Variants in FHOD3 observed in about 807,000 individuals in gnomAD.
The protein encoded by FHOD3 is formin homology 2 domain containing 3.
FHOD3 carries 90 observed loss-of-function variants against 173.0 expected under a neutral mutation model. The observed-to-expected ratio is 0.52, with a 90% CI of 0.44 to 0.62. The LOEUF (loss-of-function observed/expected upper bound fraction) is 0.62, where lower values mean the gene tolerates loss of function less well. FHOD3 is among the 20% of genes least tolerant of loss of function. The probability of loss-of-function intolerance (pLI) is 0.00; values close to 1 mark genes in which losing one functional copy is unlikely to be tolerated. For missense variants in FHOD3, 1,945 were observed against 2,034.7 expected (o/e 0.96, Z 0.85); for synonymous variants, 828 against 823.0 (o/e 1.01, Z -0.10).
At chr18:36,459,536 G>A (rs553752182) in intron 3 of FHOD3, among the ~76,000 whole-genome samples, 53 of 152,246 alleles carry the variant, frequency 3.5e-4, no homozygotes, top group African/African-American at 1.2e-3. Flanking sequence ...TTCACAGACA[G>A]CCCTGTCTGA....
intron 6 of FHOD3, among the ~76,000 whole-genome samples, chr18:36,581,074 G>T (rs2058833799): frequency 6.6e-6 from 1 of 152,212 alleles, no homozygotes; most frequent in Non-Finnish European, 1.5e-5. Context: ...GCAGATATTT[G>T]AGACTCATAG....
chr18:36,611,261 G>C (rs1234080033), intron 8 of FHOD3, among the ~76,000 whole-genome samples: 1 of 152,170 alleles, frequency 6.6e-6, no homozygotes, highest in Non-Finnish European at 1.5e-5. Flanking sequence ...CTATTGCCAC[G>C]TAACAAATTA....
At chr18:36,637,157 A>G (rs2034950384) in intron 10 of FHOD3, among the ~76,000 whole-genome samples, 1 of 152,202 alleles carries the variant, frequency 6.6e-6, no homozygotes, top group South Asian at 2.1e-4. Flanking sequence ...CCTTACATTA[A>G]AAGACTTCTT....
At position 36,613,710 on chromosome 18, in the gene FHOD3, G is replaced by A. The variant is rs118124817; in HGVS notation, c.957+1615G>A. On this transcript the variant is annotated intron_variant, in intron 9 of 28. Coordinates refer to ENST00000590592, the MANE Select transcript of FHOD3 (RefSeq NM_001281740.3). ...GTTTTTTGAGACAGTCTCTCTCTCT[G>A]TTGCCCAGGCTAGAGTGTGGTGGCG... Among the ~76,000 whole-genome samples, 89 of 152,250 alleles carry A rather than the reference G, an allele frequency of 5.8e-4. 1 individual carries two copies. In the East Asian group the frequency reaches 0.013, roughly 22 times the overall value.
At chr18:36,490,800 G>T (rs1202658191) in intron 3 of FHOD3, among the ~76,000 whole-genome samples, 1 of 152,206 alleles carries the variant, frequency 6.6e-6, no homozygotes, top group African/African-American at 2.4e-5. Flanking sequence ...GTGATTGTTT[G>T]AAAGAAGGAA....
intron 1 of FHOD3, among the ~76,000 whole-genome samples, chr18:36,324,193 TC>T (rs2044547904): frequency 6.6e-6 from 1 of 152,228 alleles, no homozygotes; most frequent in African/African-American, 2.4e-5. Context: ...AATAAATGCA[TC>T]TTGACCCTTA....
chr18:36,737,405 C>A (rs2041690007), intron 20 of FHOD3, among the ~76,000 whole-genome samples: 1 of 152,178 alleles, frequency 6.6e-6, no homozygotes, highest in South Asian at 2.1e-4. Flanking sequence ...GAGTTTAAAT[C>A]ATGCATGTTT....
intron 9 of FHOD3, among the ~76,000 whole-genome samples, chr18:36,621,946 C>T (rs1437960751): frequency 6.6e-6 from 1 of 152,070 alleles, no homozygotes; most frequent in Non-Finnish European, 1.5e-5. Flanking sequence ...CCAAAATGTC[C>T]AATGATGGAC....
At chr18:36,422,704 C>T (rs1385951422) in intron 3 of FHOD3, among the ~76,000 whole-genome samples, 1 of 152,178 alleles carries the variant, frequency 6.6e-6, no homozygotes. Context: ...GTAGCCCTGG[C>T]TGAGAAAGCC....
At chr18:36,523,072 C>T (rs1392856751) in intron 5 of FHOD3, among the ~76,000 whole-genome samples, 4 of 152,300 alleles carry the variant, frequency 2.6e-5, no homozygotes, top group Middle Eastern at 3.4e-3. Flanking sequence ...AGCTAGTACT[C>T]CCTAGCCCCC....
chr18:36,729,416 C>T (rs1207220532), intron 19 of FHOD3, among the ~76,000 whole-genome samples: 5 of 152,190 alleles, frequency 3.3e-5, no homozygotes, highest in Admixed American at 6.5e-5. Flanking sequence ...AGGGTTGACT[C>T]ATCACCCCAC....
intron 14 of FHOD3, among the ~76,000 whole-genome samples, chr18:36,661,093 A>G (rs2036764140): frequency 6.6e-6 from 1 of 151,966 alleles, no homozygotes; most frequent in African/African-American, 2.4e-5. Flanking sequence ...TGGCTGTATT[A>G]CCACTTTACT....
chr18:36,756,143 C>A (rs570045926), intron 25 of FHOD3, among the ~76,000 whole-genome samples: 13 of 152,162 alleles, frequency 8.5e-5, no homozygotes, highest in African/African-American at 2.9e-4. Context: ...AAAAACCAGG[C>A]TAGCATCTCA....
chr18:36,482,856 C>CAGAGAGAGAGAGAGAG (rs1198142796), intron 3 of FHOD3, among the ~76,000 whole-genome samples: 8 of 64,134 alleles, frequency 1.2e-4, no homozygotes, highest in African/African-American at 4.4e-4. Flanking sequence ...CTCACACACA[C>CAGAGAGAGAGAGAGAG]ACAGAGAGAG....
At chr18:36,624,018 A>G (rs895236605) in intron 9 of FHOD3, among the ~76,000 whole-genome samples, 5 of 152,236 alleles carry the variant, frequency 3.3e-5, no homozygotes, top group African/African-American at 7.2e-5. Context: ...ATTCTCTCAC[A>G]TGGAAGGACT....
At chr18:36,594,972 C>T in intron 7 of FHOD3, 74 bp downstream of exon 7, 1 of 906,578 alleles carries the variant, frequency 1.1e-6, no homozygotes, top group Non-Finnish European at 1.7e-6. Flanking sequence ...GTTGTACATG[C>T]TTGAGACAGA....
intron 3 of FHOD3, among the ~76,000 whole-genome samples, chr18:36,441,491 G>A (rs1011142907): frequency 2.0e-5 from 3 of 152,208 alleles, no homozygotes; most frequent in Non-Finnish European, 4.4e-5. Flanking sequence ...CCAGAATTGG[G>A]TCCAGAAGGC....
chr18:36,378,319 G>A (rs562236083), intron 3 of FHOD3, among the ~76,000 whole-genome samples: 41 of 152,242 alleles, frequency 2.7e-4, no homozygotes, highest in African/African-American at 9.4e-4. Context: ...GTTTCTGCCT[G>A]TGGTTCTGTT....
intron 3 of FHOD3, among the ~76,000 whole-genome samples, chr18:36,399,437 A>G (rs1280496966): frequency 6.6e-6 from 1 of 152,218 alleles, no homozygotes; most frequent in Admixed American, 6.5e-5. Flanking sequence ...GTGTCCACAC[A>G]CAGATGTTAT....
Sources: gnomAD v4.1 joint callset for allele counts (sites outside exome capture counted in the v4.1 genomes callset) on GRCh38, gnomAD v4.1.1 for gene constraint, MANE v1.5 for transcripts, NCBI Gene and HGNC (gene_info 2026-07-23, HGNC 2026-07-21) for gene names.